Variants in CFAP54 observed in about 807,000 individuals in gnomAD.
CFAP54 encodes cilia- and flagella-associated protein 54.
CFAP54 carries 290 observed loss-of-function variants against 370.4 expected under a neutral mutation model. The ratio of observed to expected loss-of-function variants is 0.78; its 90% CI spans 0.71 to 0.86. The LOEUF (loss-of-function observed/expected upper bound fraction) is 0.86, where lower values mean the gene tolerates loss of function less well. Ranked by LOEUF, CFAP54 falls within the 40% of genes least tolerant of loss-of-function variation. CFAP54 has a pLI of 0.00. For synonymous variants in CFAP54, 1,206 were observed against 1,236.5 expected (o/e 0.98, Z 0.52); for missense variants, 3,399 against 3,528.7 (o/e 0.96, Z 0.93).
chr12:96,692,705 C>T (rs1306395651), intron 44 of CFAP54, among the ~76,000 whole-genome samples: 1 of 152,114 alleles, frequency 6.6e-6, no homozygotes, highest in African/African-American at 2.4e-5. Context: ...TTAGAGGTTC[C>T]CCAGGTGAAA....
At chr12:96,559,114 G>A (rs1475863229) in intron 17 of CFAP54, among the ~76,000 whole-genome samples, 1 of 152,126 alleles carries the variant, frequency 6.6e-6, no homozygotes, top group East Asian at 1.9e-4. Flanking sequence ...TACTTGGGAG[G>A]CTGAGGCAGG....
intron 63 of CFAP54, among the ~76,000 whole-genome samples, chr12:96,810,463 T>C (rs1351865157): frequency 2.6e-5 from 4 of 152,178 alleles, no homozygotes; most frequent in African/African-American, 7.2e-5. Flanking sequence ...CCTCCTCTTC[T>C]AAAGATTTGG....
intron 14 of CFAP54, among the ~76,000 whole-genome samples, chr12:96,546,495 G>A (rs1955641512): frequency 6.6e-6 from 1 of 152,172 alleles, no homozygotes; most frequent in African/African-American, 2.4e-5. Context: ...TCAGCCAAGA[G>A]AATTTTTCTA....
At chr12:96,663,085 G>T (rs909053325) in intron 38 of CFAP54, among the ~76,000 whole-genome samples, 1 of 152,074 alleles carries the variant, frequency 6.6e-6, no homozygotes, top group Non-Finnish European at 1.5e-5. Flanking sequence ...GTAAAGATCC[G>T]TTTAAGGAAG....
intron 61 of CFAP54, 89 bp from the exon 62 acceptor site, chr12:96,786,586 C>A: frequency 1.1e-6 from 1 of 938,480 alleles, no homozygotes; most frequent in Non-Finnish European, 1.6e-6. Context: ...GAATATGTAA[C>A]GATAGTGGTT....
At position 96,592,635 on chromosome 12, in the gene CFAP54, C is replaced by A. The variant is rs1485718351; in HGVS notation, c.3358C>A (p.Gln1120Lys). 4.5e-6 allele frequency: 5 copies of A among 1,103,672 alleles called. No individual in the cohort carries two copies. The highest frequency in any genetic ancestry group is 3.6e-5 in the Admixed American group (1 of 28,040). 68.4% of individuals were successfully genotyped at this position (1,103,672 alleles called of 1,614,324 possible). ...IKGNEIFPSQ[Q>K]IARLIECERV... ...AGGCAATGAGATTTTCCCATCTCAA[C>A]AAGTAAGTGAATTAAAGTGACTAAA... is the stretch of plus-strand genomic sequence containing the variant. The change falls in exon 24 of 68, where the codon CAA becomes AAA. Residue 1120 changes from glutamine to lysine, a missense_variant and splice_region_variant. By Grantham distance (53) the Gln-to-Lys change is moderately conservative. Transcript: ENST00000524981.
At chr12:96,863,754 C>A (rs2060802095) in intron 67 of CFAP54, among the ~76,000 whole-genome samples, 1 of 152,038 alleles carries the variant, frequency 6.6e-6, no homozygotes, top group Non-Finnish European at 1.5e-5. Flanking sequence ...CTGGTTTCCT[C>A]TGGGGAAGGC....
intron 8 of CFAP54, among the ~76,000 whole-genome samples, chr12:96,523,767 C>T (rs988929231): frequency 1.3e-5 from 2 of 151,836 alleles, no homozygotes; most frequent in East Asian, 1.9e-4. Flanking sequence ...ACTGTTGTTA[C>T]TTAGAATATT....
At chr12:96,677,715 A>C (rs1275821296) in intron 39 of CFAP54, among the ~76,000 whole-genome samples, 1 of 152,174 alleles carries the variant, frequency 6.6e-6, no homozygotes, top group East Asian at 1.9e-4. Flanking sequence ...ATTCTCTTAA[A>C]TGTGTGATAG....
At chr12:96,532,259 T>G (rs1451432652) in intron 9 of CFAP54, among the ~76,000 whole-genome samples, 1 of 152,202 alleles carries the variant, frequency 6.6e-6, no homozygotes, top group East Asian at 1.9e-4. Context: ...CTTTCCTTCT[T>G]GGAACAATTA....
In CFAP54 at chr12:96,623,880, A is replaced by G; in HGVS notation, c.3885A>G (p.Gln1295=). 6.6e-7 allele frequency: 1 copy of G among 1,516,372 alleles called. No individual in the cohort carries two copies. Among genetic ancestry groups the G allele is most frequent in the Non-Finnish European group, 8.8e-7 (1 of 1,131,544 alleles). The allele number at this position is 1,516,372 out of a possible 1,614,324, so 93.9% of individuals were successfully genotyped here. Residue 1295 remains glutamine, a splice_region_variant and synonymous_variant, in exon 28 of 68, where the codon CAA becomes CAG. Transcript: ENST00000524981. ...LETHLLKLTK[Q]YVTSELSGGE... ...CACACCTACTCAAACTGACAAAGCA[A>G]TGTAATCATTTGTTTTCTGTATACT...
intron 8 of CFAP54, among the ~76,000 whole-genome samples, chr12:96,525,671 G>C (rs957850259): frequency 1.3e-5 from 2 of 152,112 alleles, no homozygotes; most frequent in Admixed American, 6.6e-5. Flanking sequence ...GAAAAGAGAA[G>C]GTAGGGCATG....
At chr12:96,570,315 C>CTT (rs111559723) in intron 19 of CFAP54, among the ~76,000 whole-genome samples, 3 of 142,962 alleles carry the variant, frequency 2.1e-5, no homozygotes, top group Admixed American at 7.0e-5. Context: ...TTTTTCTTTT[C>CTT]TTTTTTTTTT....
chr12:96,707,069 A>G (rs1194577272), intron 47 of CFAP54, among the ~76,000 whole-genome samples: 2 of 95,892 alleles, frequency 2.1e-5, no homozygotes, highest in African/African-American at 9.4e-5. Flanking sequence ...ACAGTCCAAT[A>G]TTAAGAGGTA....
intron 60 of CFAP54, among the ~76,000 whole-genome samples, chr12:96,783,713 G>A (rs558600147): frequency 1.3e-5 from 2 of 152,126 alleles, no homozygotes; most frequent in East Asian, 1.9e-4. Flanking sequence ...ATGGAGAAAC[G>A]CCGTTTCTAC....
At chr12:96,712,699 T>C (rs537247845) in intron 48 of CFAP54, among the ~76,000 whole-genome samples, 224 of 152,258 alleles carry the variant, frequency 1.5e-3, no homozygotes, top group African/African-American at 5.1e-3. Flanking sequence ...TCCCAGCCTC[T>C]AGTAACCACC....
Position 96,562,099 on chromosome 12 carries a change from G to A in CFAP54, c.2411-2369G>A, listed in dbSNP as rs537936619. 1.1e-3 allele frequency among the ~76,000 whole-genome samples: 162 copies of A among 151,770 alleles called. 2 individuals carry two copies. Among genetic ancestry groups the A allele is most frequent in the Non-Finnish European group, 4.4e-4 (30 of 67,854 alleles). ...CTGCGCCTGACCACAAGTTCTTTTT[G>A]ATATCTCCAATTCTAACACTAAAAG... On this transcript the variant is annotated intron_variant, in intron 17 of 67. Coordinates refer to ENST00000524981, the MANE Select transcript of CFAP54 (RefSeq NM_001306084.2).
intron 66 of CFAP54, among the ~76,000 whole-genome samples, chr12:96,831,085 G>T (rs1179439528): frequency 1.3e-5 from 2 of 152,184 alleles, no homozygotes; most frequent in Non-Finnish European, 2.9e-5. Flanking sequence ...TATAGTTCTT[G>T]TGTTGGTTGG....
At chr12:96,725,238 TG>T (rs1206906269) in intron 50 of CFAP54, among the ~76,000 whole-genome samples, 2 of 151,112 alleles carry the variant, frequency 1.3e-5, no homozygotes, top group South Asian at 2.1e-4. Context: ...TTGATGGGGA[TG>T]GCATTGAATC....
Sources: gnomAD v4.1 joint callset for allele counts (sites outside exome capture counted in the v4.1 genomes callset) on GRCh38, gnomAD v4.1.1 for gene constraint, MANE v1.5 for transcripts, NCBI Gene and HGNC (gene_info 2026-07-23, HGNC 2026-07-21) for gene names.